The following HTR2C variants were observed in gnomAD, a reference collection of about 807,000 sequenced individuals.
The protein encoded by HTR2C is 5-hydroxytryptamine receptor 2C, also known as 5-hydroxytryptamine (serotonin) receptor 2C, G protein-coupled.
A neutral mutation model predicts 21.0 loss-of-function variants in HTR2C; 5 were observed. That is an observed-to-expected ratio of 0.24 (90% CI 0.12 to 0.50). The LOEUF (loss-of-function observed/expected upper bound fraction) is 0.50, where lower values mean the gene tolerates loss of function less well. Ranked by LOEUF, HTR2C falls within the 20% of genes least tolerant of loss-of-function variation. HTR2C has a pLI of 0.98. For missense variants in HTR2C, 271 were observed against 371.2 expected (o/e 0.73, Z 2.22); for synonymous variants, 150 against 145.3 (o/e 1.03, Z -0.23).
At position 114,672,426 on chromosome X, in the gene HTR2C, T is replaced by C. The variant is rs1931414256; in HGVS notation, c.-79-54432T>C. On this transcript the variant is annotated intron_variant, in intron 2 of 5. Coordinates refer to ENST00000276198, the MANE Select transcript of HTR2C (RefSeq NM_000868.4). ...CGTATTTCACACCACTTAGATAAAA[T>C]CATATAAATATTTCAATATCACTCC... Among the ~76,000 whole-genome samples the C allele has an allele frequency of 2.7e-5, 3 of 111,173 alleles. No individual in the cohort carries two copies. In the South Asian group the frequency reaches 1.1e-3, roughly 42 times the overall value.
At chrX:114,836,657 A>G (rs1360670472) in intron 4 of HTR2C, among the ~76,000 whole-genome samples, 1 of 111,613 alleles carries the variant, frequency 9.0e-6, no homozygotes, top group African/African-American at 3.3e-5. Context: ...TGCAGAAATC[A>G]CCCGTCTTCT....
chrX:114,895,271 G>C (rs1296728245), intron 5 of HTR2C, among the ~76,000 whole-genome samples: 3 of 111,732 alleles, frequency 2.7e-5, no homozygotes, highest in Non-Finnish European at 3.8e-5. Context: ...ATATGTTGGG[G>C]GTGTAAATGA....
At chrX:114,797,939 A>G (rs1334283297) in intron 4 of HTR2C, among the ~76,000 whole-genome samples, 2 of 112,046 alleles carry the variant, frequency 1.8e-5, no homozygotes, top group African/African-American at 6.5e-5. Context: ...TCTGGCGTGC[A>G]TGTGGTAAAA....
intron 4 of HTR2C, among the ~76,000 whole-genome samples, chrX:114,742,296 C>A (rs890219530): frequency 9.0e-6 from 1 of 111,374 alleles, no homozygotes; most frequent in Non-Finnish European, 1.9e-5. Context: ...TTTAAGTAAA[C>A]AGGACAGACT....
chrX:114,874,587 C>T (rs1213663767), intron 5 of HTR2C, among the ~76,000 whole-genome samples: 1 of 110,313 alleles, frequency 9.1e-6, no homozygotes, highest in Non-Finnish European at 1.9e-5. Context: ...CGGCTCACTG[C>T]AACCTCCATC....
chrX:114,679,609 AC>A (rs1443293465), intron 2 of HTR2C, among the ~76,000 whole-genome samples: 1 of 111,512 alleles, frequency 9.0e-6, no homozygotes, highest in Non-Finnish European at 1.9e-5. Flanking sequence ...AGCGAAGATG[AC>A]CTTGGAGATA....
At chrX:114,780,609 C>T (rs945147289) in intron 4 of HTR2C, among the ~76,000 whole-genome samples, 15 of 111,375 alleles carry the variant, frequency 1.3e-4, no homozygotes, top group Non-Finnish European at 1.9e-5. Flanking sequence ...TGTCCCTGAT[C>T]ATTTTAAACC....
At chrX:114,649,226 CA>C (rs1556408093) in intron 2 of HTR2C, among the ~76,000 whole-genome samples, 1 of 112,184 alleles carries the variant, frequency 8.9e-6, no homozygotes, top group African/African-American at 3.2e-5. Context: ...TTTTATTTGT[CA>C]AATTCAGCTT....
At chrX:114,662,485 G>T (rs1440022570) in intron 2 of HTR2C, among the ~76,000 whole-genome samples, 2 of 111,745 alleles carry the variant, frequency 1.8e-5, no homozygotes, top group Admixed American at 1.9e-4. Context: ...AAAAGAAATT[G>T]TTCCCTTGAT....
At chrX:114,700,896 C>G (rs1306347898) in intron 2 of HTR2C, among the ~76,000 whole-genome samples, 1 of 111,990 alleles carries the variant, frequency 8.9e-6, no homozygotes, top group Admixed American at 9.4e-5. Flanking sequence ...AACAGCGCAC[C>G]AGGAGATTAT....
chrX:114,886,614 A>G (rs1432308794), intron 5 of HTR2C, among the ~76,000 whole-genome samples: 1 of 111,135 alleles, frequency 9.0e-6, no homozygotes, highest in Non-Finnish European at 1.9e-5. Context: ...ACTCCTATGT[A>G]ACTCTATTCC....
intron 4 of HTR2C, among the ~76,000 whole-genome samples, chrX:114,746,568 G>A (rs1556426115): frequency 9.0e-6 from 1 of 111,369 alleles, no homozygotes. Flanking sequence ...AGATAAAAAC[G>A]ATCAATTAGG....
chrX:114,799,549 T>A (rs1375174006), intron 4 of HTR2C, among the ~76,000 whole-genome samples: 2 of 110,892 alleles, frequency 1.8e-5, no homozygotes, highest in Non-Finnish European at 1.9e-5. Context: ...ACATATGCAT[T>A]CTTACCACAA....
At chrX:114,597,755 G>T (rs1473118147) in intron 1 of HTR2C, among the ~76,000 whole-genome samples, 2 of 111,546 alleles carry the variant, frequency 1.8e-5, no homozygotes, top group African/African-American at 6.5e-5. Context: ...ATAGAATTTC[G>T]AACAATCCAT....
chrX:114,803,819 C>T (rs2070376467), intron 4 of HTR2C, among the ~76,000 whole-genome samples: 1 of 111,178 alleles, frequency 9.0e-6, no homozygotes, highest in Admixed American at 9.6e-5. Context: ...TGCCTATGTC[C>T]TGAATGGCTT....
At chrX:114,687,943 A>G (rs1450363287) in intron 2 of HTR2C, among the ~76,000 whole-genome samples, 1 of 111,940 alleles carries the variant, frequency 8.9e-6, no homozygotes, top group East Asian at 2.8e-4. Flanking sequence ...TAAGTAGGTA[A>G]TATTTGTTAT....
chrX:114,835,767 A>G (rs782006180), intron 4 of HTR2C, among the ~76,000 whole-genome samples: 1 of 111,588 alleles, frequency 9.0e-6, no homozygotes, highest in South Asian at 3.7e-4. Flanking sequence ...GTTCCTTTTG[A>G]GGAGGAGAGG....
rs1404016088 is a variant in HTR2C at position 114,784,646 on chromosome X, T to C, written c.349+53039T>C. 1.8e-4 allele frequency among the ~76,000 whole-genome samples: 19 copies of C among 107,277 alleles called. 1 individual carries two copies. In the Admixed American group the frequency reaches 1.9e-3, roughly 11 times the overall value. 93.2% of individuals were successfully genotyped at this position (107,277 alleles called of 115,157 possible). On this transcript the variant is annotated intron_variant, in intron 4 of 5. Transcript: ENST00000276198. ...GCTTAAGTTGCCTTCCTTTTTTTTT[T>C]TCTCGCTCTGTCGCCCAGGGTGGAG...
At chrX:114,900,543 C>A (rs945360466) in intron 5 of HTR2C, 1 of 112,882 alleles carries the variant, frequency 8.9e-6, no homozygotes, top group Non-Finnish European at 1.9e-5. Flanking sequence ...ATATGAATGA[C>A]AATGACTGCA....
Sources: allele counts gnomAD v4.1 joint callset (sites outside exome capture counted in the v4.1 genomes callset), GRCh38; gene constraint gnomAD v4.1.1; transcripts MANE v1.5; gene names NCBI Gene and HGNC (gene_info 2026-07-23, HGNC 2026-07-21).